Variants in TNR observed in about 807,000 individuals in gnomAD.
The protein encoded by TNR is tenascin-R.
Under a neutral mutation model 150.4 loss-of-function variants are expected in TNR, and 45 were observed. That is an observed-to-expected ratio of 0.30 (90% CI 0.24 to 0.38). The LOEUF is 0.38. Ranked by LOEUF, TNR falls within the 10% of genes least tolerant of loss-of-function variation. The pLI, the probability that TNR is intolerant of heterozygous loss-of-function variation, is 1.00. For synonymous variants in TNR, 687 were observed against 678.4 expected, an observed-to-expected ratio of 1.01 and a Z score of -0.20; for missense variants, 1,544 against 1,759.1, an observed-to-expected ratio of 0.88 and a Z score of 2.19.
intron 2 of TNR, among the ~76,000 whole-genome samples, chr1:175,508,579 C>G (rs1246168822): frequency 6.6e-6 from 1 of 152,222 alleles, no homozygotes; most frequent in Non-Finnish European, 1.5e-5. Context: ...CTCACTGTGG[C>G]AGTAGCCAGC....
intron 2 of TNR, among the ~76,000 whole-genome samples, chr1:175,412,235 G>A (rs570561045): frequency 6.6e-6 from 1 of 152,190 alleles, no homozygotes; most frequent in Non-Finnish European, 1.5e-5. Flanking sequence ...CTGTTTTCCA[G>A]CCAGCTTTAA....
rs191358302 is a variant in TNR, at chr1:175,599,879, C to G, written c.-164-71510G>C. ...TTGCTGCAACTCGGGATGGAGGCAA[C>G]CCCTCGGCGTGGGGATGCTGAGGCA... On this transcript the variant is annotated intron_variant, in intron 1 of 22. Transcript: ENST00000367674. The surrounding 1 kb of genome is among the most constrained non-coding windows in gnomAD (Gnocchi z 4.7). Among the ~76,000 whole-genome samples, 209 of 152,318 alleles carry G rather than the reference C, an allele frequency of 1.4e-3. 1 individual carries two copies. Among genetic ancestry groups the G allele is most frequent in the African/African-American group, 4.9e-3 (203 of 41,572 alleles).
chr1:175,737,792 G>C (rs1295614208), intron 1 of TNR, among the ~76,000 whole-genome samples: 1 of 152,164 alleles, frequency 6.6e-6, no homozygotes, highest in Non-Finnish European at 1.5e-5. Context: ...CCTGCTCTAG[G>C]ATAGGGGTCC....
intron 1 of TNR, among the ~76,000 whole-genome samples, chr1:175,544,434 G>C (rs1660612244): frequency 6.6e-6 from 1 of 152,186 alleles, no homozygotes; most frequent in African/African-American, 2.4e-5. Context: ...AGCCTTCTCA[G>C]GTTTCTGATT....
chr1:175,560,765 C>A (rs1312317572), intron 1 of TNR, among the ~76,000 whole-genome samples: 1 of 152,140 alleles, frequency 6.6e-6, no homozygotes, highest in African/African-American at 2.4e-5. Context: ...TTCCCTTAAT[C>A]ATTTCTAAAT....
chr1:175,390,199 G>A (rs533306970), intron 7 of TNR, among the ~76,000 whole-genome samples: 55 of 152,334 alleles, frequency 3.6e-4, no homozygotes, highest in African/African-American at 1.2e-3. Flanking sequence ...TTTGGATTCA[G>A]TAGCAGAGCA....
intron 2 of TNR, among the ~76,000 whole-genome samples, chr1:175,460,737 T>G (rs913064550): frequency 2.0e-5 from 3 of 152,322 alleles, no homozygotes; most frequent in Non-Finnish European, 4.4e-5. Context: ...AAGAATTCAC[T>G]CTAAATATGC....
At chr1:175,720,878 C>G (rs917758574) in intron 1 of TNR, among the ~76,000 whole-genome samples, 4 of 152,182 alleles carry the variant, frequency 2.6e-5, no homozygotes, top group African/African-American at 9.7e-5. Flanking sequence ...CTCTAAGGAT[C>G]TTTCTTCAAG....
intron 2 of TNR, among the ~76,000 whole-genome samples, chr1:175,497,886 C>A (rs1361081939): frequency 6.6e-6 from 1 of 152,074 alleles, no homozygotes; most frequent in African/African-American, 2.4e-5. Flanking sequence ...ATGGTGAAAC[C>A]CTGTCTCCAC....
At chr1:175,368,203 CAGTT>C (rs2102016142) in intron 9 of TNR, among the ~76,000 whole-genome samples, 1 of 152,350 alleles carries the variant, frequency 6.6e-6, no homozygotes, top group Admixed American at 6.5e-5. Context: ...GATTCTCTTA[CAGTT>C]AGTTCAGGAG....
chr1:175,614,907 A>G (rs1663720984), intron 1 of TNR, among the ~76,000 whole-genome samples: 1 of 152,214 alleles, frequency 6.6e-6, no homozygotes, highest in Admixed American at 6.5e-5. Context: ...AAAGGTGACA[A>G]TGAAGCAATG....
chr1:175,352,801 A>G (rs976988311), intron 18 of TNR, among the ~76,000 whole-genome samples: 1 of 152,234 alleles, frequency 6.6e-6, no homozygotes, highest in African/African-American at 2.4e-5. Context: ...AAGGGAGAAG[A>G]GGACTCGTTC....
At chr1:175,696,386 G>A (rs925576710) in intron 1 of TNR, among the ~76,000 whole-genome samples, 1 of 151,932 alleles carries the variant, frequency 6.6e-6, no homozygotes, top group Non-Finnish European at 1.5e-5. Flanking sequence ...AGAGCAGGGT[G>A]GGCAGAGAGA....
At chr1:175,426,495 C>T (rs1422218899) in intron 2 of TNR, among the ~76,000 whole-genome samples, 6 of 152,034 alleles carry the variant, frequency 3.9e-5, no homozygotes, top group Non-Finnish European at 8.8e-5. Flanking sequence ...GGAGAGCTTG[C>T]AAAGTTTCCA....
At chr1:175,628,564 T>A (rs1283691991) in intron 1 of TNR, among the ~76,000 whole-genome samples, 2 of 151,758 alleles carry the variant, frequency 1.3e-5, no homozygotes, top group East Asian at 3.9e-4. Flanking sequence ...TGCGCCATTG[T>A]TAATATTTTA....
At chr1:175,554,644 A>T (rs1264552567) in intron 1 of TNR, among the ~76,000 whole-genome samples, 1 of 152,184 alleles carries the variant, frequency 6.6e-6, no homozygotes, top group Non-Finnish European at 1.5e-5. Flanking sequence ...GGCTCTGGGC[A>T]TGGCTCATGG....
intron 1 of TNR, among the ~76,000 whole-genome samples, chr1:175,711,758 G>A (rs1667023397): frequency 6.6e-6 from 1 of 152,180 alleles, no homozygotes. Context: ...AACGAATGGG[G>A]ATCCATGAGA....
intron 2 of TNR, among the ~76,000 whole-genome samples, chr1:175,470,916 C>T (rs1195249251): frequency 6.6e-6 from 1 of 152,018 alleles, no homozygotes; most frequent in Non-Finnish European, 1.5e-5. Flanking sequence ...TGACCACTGG[C>T]CAATGAAGAG....
At chr1:175,404,004 G>A (rs1053838208) in intron 3 of TNR, among the ~76,000 whole-genome samples, 6 of 152,266 alleles carry the variant, frequency 3.9e-5, no homozygotes, top group African/African-American at 1.4e-4. Flanking sequence ...CTCAAGCCCA[G>A]GTGCATTATC....
Sources: allele counts gnomAD v4.1 joint callset (sites outside exome capture counted in the v4.1 genomes callset), GRCh38; gene constraint gnomAD v4.1.1; non-coding constraint Gnocchi (gnomAD v3.1); transcripts MANE v1.5; gene names NCBI Gene and HGNC (gene_info 2026-07-23, HGNC 2026-07-21).